CNTNAP5: variants seen among roughly 807,000 people sequenced by gnomAD.
CNTNAP5 encodes the protein contactin associated protein family member 5, also known as contactin-associated protein-like 5.
CNTNAP5 carries 72 observed loss-of-function variants against 150.2 expected under a neutral mutation model. The observed-to-expected ratio is 0.48, with a 90% CI of 0.40 to 0.58. The LOEUF (loss-of-function observed/expected upper bound fraction) is 0.58. Ranked by LOEUF, CNTNAP5 falls within the 20% of genes least tolerant of loss-of-function variation. CNTNAP5 has a pLI of 0.00. For synonymous variants in CNTNAP5, 672 were observed against 619.8 expected (o/e 1.08, Z -1.25); for missense variants, 1,636 against 1,626.2 (o/e 1.01, Z -0.10).
At chr2:124,762,567 T>C (rs1680981084) in intron 14 of CNTNAP5, among the ~76,000 whole-genome samples, 1 of 152,146 alleles carries the variant, frequency 6.6e-6, no homozygotes, top group Admixed American at 6.6e-5. Context: ...ACATAATCTC[T>C]TTTAAACCCA....
chr2:124,787,908 A>C (rs1275642045), intron 17 of CNTNAP5, among the ~76,000 whole-genome samples: 1 of 152,206 alleles, frequency 6.6e-6, no homozygotes, highest in Non-Finnish European at 1.5e-5. Flanking sequence ...TTGTAGAATA[A>C]TTTCTAGAAT....
intron 1 of CNTNAP5, among the ~76,000 whole-genome samples, chr2:124,048,908 G>C (rs138057945): frequency 6.6e-6 from 1 of 152,204 alleles, no homozygotes; most frequent in South Asian, 2.1e-4. Flanking sequence ...TTATTTTTAT[G>C]AGTGTTATGC....
chr2:124,869,957 C>G (rs1384401087), intron 21 of CNTNAP5, among the ~76,000 whole-genome samples, 195 bp downstream of exon 21: 1 of 152,054 alleles, frequency 6.6e-6, no homozygotes, highest in Non-Finnish European at 1.5e-5. Context: ...TTTCTATCTA[C>G]TTTATAAAAA....
chr2:124,372,402 T>C (rs768940380), intron 3 of CNTNAP5, among the ~76,000 whole-genome samples: 2 of 152,094 alleles, frequency 1.3e-5, no homozygotes, highest in Non-Finnish European at 2.9e-5. Flanking sequence ...GAGCCAATTC[T>C]CCCTAATAAA....
At chr2:124,284,192 G>A (rs1419462816) in intron 3 of CNTNAP5, among the ~76,000 whole-genome samples, 3 of 152,140 alleles carry the variant, frequency 2.0e-5, no homozygotes, top group African/African-American at 7.2e-5. Context: ...TTTAGCAGAG[G>A]AACCAGATAA....
chr2:124,346,010 A>G (rs530947367), intron 3 of CNTNAP5, among the ~76,000 whole-genome samples: 1 of 152,338 alleles, frequency 6.6e-6, no homozygotes, highest in South Asian at 2.1e-4. Flanking sequence ...TGGCAAGACC[A>G]GTGAGGTGAG....
chr2:124,210,045 T>C (rs1029618548), intron 1 of CNTNAP5, among the ~76,000 whole-genome samples: 15 of 152,146 alleles, frequency 9.9e-5, no homozygotes, highest in African/African-American at 3.4e-4. Flanking sequence ...TGAAGGGATA[T>C]ATAGAAGCAA....
chr2:124,585,308 C>G (rs536503816), intron 11 of CNTNAP5, among the ~76,000 whole-genome samples: 1 of 152,086 alleles, frequency 6.6e-6, no homozygotes, highest in Non-Finnish European at 1.5e-5. Context: ...AAGTGGGGCA[C>G]GTGTCTCACT....
chr2:124,841,306 C>T (rs1400330690), intron 19 of CNTNAP5, among the ~76,000 whole-genome samples: 1 of 151,934 alleles, frequency 6.6e-6, no homozygotes, highest in Non-Finnish European at 1.5e-5. Flanking sequence ...TCAAATTGCT[C>T]AGCAAGTACT....
chr2:124,872,791 C>T (rs964999159), intron 21 of CNTNAP5, among the ~76,000 whole-genome samples: 3 of 151,710 alleles, frequency 2.0e-5, no homozygotes, highest in Non-Finnish European at 2.9e-5. Context: ...ATAATACCCT[C>T]TTGTTAAAAA....
intron 1 of CNTNAP5, among the ~76,000 whole-genome samples, chr2:124,130,827 T>G (rs528545964): frequency 1.8e-4 from 27 of 152,296 alleles, no homozygotes; most frequent in Non-Finnish European, 3.2e-4. Flanking sequence ...TGCTCGGTAA[T>G]GTACTGTGGT....
intron 12 of CNTNAP5, among the ~76,000 whole-genome samples, chr2:124,624,667 T>C (rs1357592327): frequency 6.6e-6 from 1 of 152,166 alleles, no homozygotes; most frequent in Non-Finnish European, 1.5e-5. Context: ...GAATTCACAG[T>C]TTGGAGAAGA....
intron 3 of CNTNAP5, among the ~76,000 whole-genome samples, chr2:124,293,641 A>T (rs934244255): frequency 2.0e-5 from 3 of 152,162 alleles, no homozygotes; most frequent in African/African-American, 7.2e-5. Flanking sequence ...TTTACTAGGT[A>T]TTGGCCGTGT....
chr2:124,773,221 A>G (rs1681244578), intron 17 of CNTNAP5, among the ~76,000 whole-genome samples: 1 of 152,138 alleles, frequency 6.6e-6, no homozygotes, highest in Non-Finnish European at 1.5e-5. Flanking sequence ...AACCTTTAGC[A>G]AATTTTGAGG....
chr2:124,699,238 G>A (rs546361072), intron 13 of CNTNAP5, among the ~76,000 whole-genome samples: 1 of 152,132 alleles, frequency 6.6e-6, no homozygotes, highest in South Asian at 2.1e-4. Flanking sequence ...AGAATGGGGA[G>A]GGAAATATAC....
chr2:124,296,639 C>T (rs1461264183), intron 3 of CNTNAP5, among the ~76,000 whole-genome samples: 2 of 152,196 alleles, frequency 1.3e-5, no homozygotes, highest in Non-Finnish European at 2.9e-5. Context: ...ACCTTGTCTA[C>T]TTCCAAGACC....
chr2:124,229,348 C>T (rs919184172), intron 2 of CNTNAP5, among the ~76,000 whole-genome samples: 10 of 152,056 alleles, frequency 6.6e-5, no homozygotes, highest in South Asian at 4.1e-4. Context: ...CTGGGCAATC[C>T]GGCACACGAG....
At chr2:124,822,616 T>G (rs1682514202) in intron 19 of CNTNAP5, among the ~76,000 whole-genome samples, 1 of 152,178 alleles carries the variant, frequency 6.6e-6, no homozygotes, top group South Asian at 2.1e-4. Flanking sequence ...AAAACAAGGC[T>G]GCAGACAATG....
intron 13 of CNTNAP5, among the ~76,000 whole-genome samples, chr2:124,691,655 A>G (rs1249593969): frequency 1.3e-5 from 2 of 152,222 alleles, no homozygotes; most frequent in East Asian, 1.9e-4. Context: ...GCTGGCACCT[A>G]TTGAAAACTC....
Sources: allele counts gnomAD v4.1 joint callset (sites outside exome capture counted in the v4.1 genomes callset), GRCh38; gene constraint gnomAD v4.1.1; transcripts MANE v1.5; gene names NCBI Gene and HGNC (gene_info 2026-07-23, HGNC 2026-07-21).